Variants in ANO3 observed in about 807,000 individuals in gnomAD.
The protein encoded by ANO3 is anoctamin-3.
Under a neutral mutation model 144.8 loss-of-function variants are expected in ANO3, and 99 were observed. The ratio of observed to expected loss-of-function variants is 0.68; its 90% CI spans 0.58 to 0.81. The LOEUF is 0.81. ANO3 is among the 30% of genes least tolerant of loss of function. ANO3 has a pLI of 0.00. For synonymous variants in ANO3, 414 were observed against 392.6 expected, an observed-to-expected ratio of 1.05 and a Z score of -0.64; for missense variants, 905 against 1,202.2, an observed-to-expected ratio of 0.75 and a Z score of 3.66.
intron 10 of ANO3, 119 bp downstream of exon 10, chr11:26,537,580 C>A: frequency 1.2e-6 from 1 of 840,810 alleles, no homozygotes; most frequent in Non-Finnish European, 2.0e-6. Flanking sequence ...TGCAAGTAGC[C>A]ATGGGCCTTC....
intron 17 of ANO3, among the ~76,000 whole-genome samples, chr11:26,617,061 G>A (rs1030265676): frequency 1.3e-5 from 2 of 152,156 alleles, no homozygotes; most frequent in Admixed American, 1.3e-4. Context: ...GTGAGCCACC[G>A]TGCCCGGCCC....
intron 1 of ANO3, among the ~76,000 whole-genome samples, chr11:26,260,173 T>A (rs529331617): frequency 6.6e-6 from 1 of 152,018 alleles, no homozygotes; most frequent in East Asian, 1.9e-4. Flanking sequence ...GCTCTTTATC[T>A]CTTGATAAGG....
chr11:26,297,575 A>T (rs1271732434), intron 1 of ANO3, among the ~76,000 whole-genome samples: 1 of 152,154 alleles, frequency 6.6e-6, no homozygotes, highest in Non-Finnish European at 1.5e-5. Flanking sequence ...ATGATAATTC[A>T]TTTTGTTCTC....
exon 1 of ANO3, chr11:26,189,168 A>G: frequency 1.0e-6 from 1 of 983,296 alleles, no homozygotes; most frequent in African/African-American, 1.7e-5. Flanking sequence ...GTTATATGGG[A>G]ATTTTGCAAT....
chr11:26,301,063 A>G (rs1025025752), intron 1 of ANO3, among the ~76,000 whole-genome samples: 7 of 144,448 alleles, frequency 4.8e-5, no homozygotes, highest in African/African-American at 1.6e-4. Context: ...CATGTTGGCC[A>G]GGTTGGTCTT....
At chr11:26,297,097 A>C (rs1590241996) in intron 1 of ANO3, among the ~76,000 whole-genome samples, 1 of 152,188 alleles carries the variant, frequency 6.6e-6, no homozygotes, top group Non-Finnish European at 1.5e-5. Context: ...TCAATGTTTC[A>C]GATTACTTCC....
chr11:26,223,143 G>T (rs564250256), intron 1 of ANO3, among the ~76,000 whole-genome samples: 2 of 151,464 alleles, frequency 1.3e-5, no homozygotes, highest in Admixed American at 6.6e-5. Context: ...TGTTTTCTTG[G>T]TCCTGTATTT....
At chr11:26,314,067 A>G (rs924065929) in intron 1 of ANO3, among the ~76,000 whole-genome samples, 11 of 151,946 alleles carry the variant, frequency 7.2e-5, no homozygotes, top group African/African-American at 2.7e-4. Flanking sequence ...CCCACAATGG[A>G]GAGAGAGTTT....
chr11:26,213,679 TATC>T (rs1452248949), intron 1 of ANO3, among the ~76,000 whole-genome samples: 1 of 152,090 alleles, frequency 6.6e-6, no homozygotes, highest in Non-Finnish European at 1.5e-5. Flanking sequence ...GAAGAACCAA[TATC>T]ATGAAAATGG....
At chr11:26,626,669 C>T (rs907503802) in intron 18 of ANO3, among the ~76,000 whole-genome samples, 1 of 152,200 alleles carries the variant, frequency 6.6e-6, no homozygotes, top group Non-Finnish European at 1.5e-5. Context: ...AATCTGAAAA[C>T]TCAGAAACTT....
chr11:26,207,345 T>C (rs535315388), intron 1 of ANO3, among the ~76,000 whole-genome samples: 1 of 152,328 alleles, frequency 6.6e-6, no homozygotes, highest in East Asian at 1.9e-4. Context: ...TTTAGAAGTC[T>C]GAAAGCAAAA....
intron 1 of ANO3, among the ~76,000 whole-genome samples, chr11:26,299,426 TTAGAAA>T (rs1330066380): frequency 6.6e-6 from 1 of 152,180 alleles, no homozygotes; most frequent in Non-Finnish European, 1.5e-5. Context: ...GAAAAATGAA[TTAGAAA>T]TAGTAAGTTT....
At chr11:26,610,906 T>G (rs1340446968) in intron 17 of ANO3, among the ~76,000 whole-genome samples, 1 of 152,156 alleles carries the variant, frequency 6.6e-6, no homozygotes, top group Non-Finnish European at 1.5e-5. Flanking sequence ...TTCATCTATG[T>G]TCGCAAACTT....
intron 23 of ANO3, among the ~76,000 whole-genome samples, chr11:26,647,302 T>C (rs1387411385): frequency 2.0e-5 from 3 of 152,188 alleles, no homozygotes; most frequent in African/African-American, 7.2e-5. Flanking sequence ...TTGACAAAGA[T>C]AAAGACAAAC....
intron 3 of ANO3, among the ~76,000 whole-genome samples, chr11:26,447,119 A>G (rs756035420): frequency 1.4e-5 from 2 of 147,440 alleles, no homozygotes; most frequent in Non-Finnish European, 3.0e-5. Flanking sequence ...AGATGGGAGT[A>G]TCACTTGAGC....
At chr11:26,457,353 G>C (rs1458177998) in intron 3 of ANO3, among the ~76,000 whole-genome samples, 1 of 144,538 alleles carries the variant, frequency 6.9e-6, no homozygotes, top group East Asian at 2.0e-4. Context: ...AAAGAAAACA[G>C]ATTTATAGAT....
intron 1 of ANO3, among the ~76,000 whole-genome samples, chr11:26,246,260 C>T (rs1852791516): frequency 6.6e-6 from 1 of 152,102 alleles, no homozygotes; most frequent in South Asian, 2.1e-4. Context: ...GTTGGGTTAA[C>T]CAGTACATAT....
intron 5 of ANO3, among the ~76,000 whole-genome samples, chr11:26,511,125 G>A (rs117402738): frequency 0.022 from 3,352 of 152,274 alleles, 64 homozygotes; most frequent in Non-Finnish European, 0.035. Flanking sequence ...TCAATTGCAT[G>A]TTGTTGGAAC....
At chr11:26,189,164 T>C in exon 1 of ANO3, 1 of 981,974 alleles carries the variant, frequency 1.0e-6, no homozygotes, top group Non-Finnish European at 1.2e-6. Flanking sequence ...CATAGTTATA[T>C]GGGAATTTTG....
Sources: allele counts gnomAD v4.1 joint callset (sites outside exome capture counted in the v4.1 genomes callset), GRCh38; gene constraint gnomAD v4.1.1; transcripts MANE v1.5; gene names NCBI Gene and HGNC (gene_info 2026-07-23, HGNC 2026-07-21).